DMD: variants seen among roughly 807,000 people sequenced by gnomAD.
DMD encodes the protein dystrophin.
In DMD, 63 loss-of-function variants were observed where a neutral mutation model predicts 330.1. That is an observed-to-expected ratio of 0.19 (90% CI 0.16 to 0.24). The LOEUF (loss-of-function observed/expected upper bound fraction) is 0.24. Ranked by LOEUF, DMD falls within the 10% of genes least tolerant of loss-of-function variation. The pLI, the probability that DMD is intolerant of heterozygous loss-of-function variation, is 1.00. For missense variants in DMD, 3,344 were observed against 2,684.1 expected (o/e 1.25, Z -5.43); for synonymous variants, 1,223 against 959.8 (o/e 1.27, Z -5.07).
At chrX:32,174,610 G>A (rs67857364) in intron 44 of DMD, among the ~76,000 whole-genome samples, 23,509 of 111,546 alleles carry the variant, frequency 0.21, 2,080 homozygotes, top group Admixed American at 0.4. Flanking sequence ...GGCCCTTTAC[G>A]TTTACATTAC....
chrX:32,501,947 G>T, intron 18 of DMD, 105 bp from the exon 19 acceptor site: 1 of 604,364 alleles, frequency 1.7e-6, no homozygotes, highest in Non-Finnish European at 2.7e-6. Context: ...GTTTCACTCT[G>T]TCAGCTTATC....
intron 1 of DMD, among the ~76,000 whole-genome samples, chrX:33,135,964 C>G (rs1181898251): frequency 9.0e-6 from 1 of 111,313 alleles, no homozygotes; most frequent in African/African-American, 3.3e-5. Context: ...GCAACTATTA[C>G]CTTTATTGTG....
intron 2 of DMD, among the ~76,000 whole-genome samples, chrX:32,917,429 T>C (rs1169954700): frequency 2.7e-5 from 3 of 112,012 alleles, no homozygotes; most frequent in Non-Finnish European, 5.6e-5. Context: ...ATTTACTATA[T>C]ATCTTAGATA....
chrX:32,326,078 T>G (rs1473459212), intron 41 of DMD, among the ~76,000 whole-genome samples: 1 of 112,086 alleles, frequency 8.9e-6, no homozygotes, highest in Non-Finnish European at 1.9e-5. Context: ...TGAAAAGTTT[T>G]CCTCTTTGGC....
intron 74 of DMD, among the ~76,000 whole-genome samples, chrX:31,156,256 T>C (rs1300566911): frequency 8.9e-6 from 1 of 112,067 alleles, no homozygotes; most frequent in African/African-American, 3.2e-5. Context: ...AGCCCTTTCC[T>C]ACTGAAATTT....
At chrX:33,242,087 T>C (rs1398118202) in intron 1 of DMD, among the ~76,000 whole-genome samples, 1 of 112,101 alleles carries the variant, frequency 8.9e-6, no homozygotes, top group African/African-American at 3.2e-5. Flanking sequence ...TTTGTAGCTA[T>C]TGTAAATGGG....
chrX:32,791,694 C>T (rs1462457187), intron 7 of DMD, among the ~76,000 whole-genome samples: 2 of 111,429 alleles, frequency 1.8e-5, no homozygotes, highest in African/African-American at 3.3e-5. Flanking sequence ...CAAAAAATAA[C>T]AAAAAATTTT....
intron 17 of DMD, among the ~76,000 whole-genome samples, chrX:32,532,979 C>T (rs1472205043): frequency 8.9e-6 from 1 of 112,173 alleles, no homozygotes; most frequent in Non-Finnish European, 1.9e-5. Context: ...CAGTCATGCT[C>T]ATTCATTTAT....
At chrX:32,343,078 C>T (rs2097752372) in intron 40 of DMD, 56 bp downstream of exon 40, 11 of 1,091,032 alleles carry the variant, frequency 1.0e-5, no homozygotes, top group Non-Finnish European at 1.4e-5. Flanking sequence ...ATGATCTTCA[C>T]AGGTTAATTA....
chrX:31,874,886 A>G (rs1397768746), intron 48 of DMD, among the ~76,000 whole-genome samples: 1 of 110,429 alleles, frequency 9.1e-6, no homozygotes, highest in African/African-American at 3.3e-5. Flanking sequence ...AATCCCACTT[A>G]CCCCTGATGT....
intron 44 of DMD, among the ~76,000 whole-genome samples, chrX:32,210,898 G>T (rs957214988): frequency 9.0e-6 from 1 of 111,559 alleles, no homozygotes; most frequent in Non-Finnish European, 1.9e-5. Context: ...TCATGGACTC[G>T]CTTGTCTCAA....
At chrX:33,263,490 T>C (rs928057036) in intron 1 of DMD, among the ~76,000 whole-genome samples, 1 of 108,409 alleles carries the variant, frequency 9.2e-6, no homozygotes, top group South Asian at 3.8e-4. Flanking sequence ...CTGTGTTATA[T>C]GGATTTTGAG....
intron 41 of DMD, among the ~76,000 whole-genome samples, chrX:32,335,341 C>T (rs1429981855): frequency 9.4e-6 from 1 of 106,782 alleles, no homozygotes; most frequent in Non-Finnish European, 1.9e-5. Context: ...GCTTGGATTA[C>T]AAGCAACTGC....
At chrX:33,183,786 T>G (rs139745735) in intron 1 of DMD, among the ~76,000 whole-genome samples, 2 of 48,653 alleles carry the variant, frequency 4.1e-5, no homozygotes, top group Admixed American at 5.9e-4. Flanking sequence ...CCTTATTAGT[T>G]CCTTTACTCA....
chrX:32,448,751 A>G, intron 26 of DMD, 113 bp from the exon 27 acceptor site: 6 of 701,699 alleles, frequency 8.6e-6, no homozygotes, highest in Non-Finnish European at 1.2e-5. Context: ...AATGAGAATT[A>G]CAAAAATAAA....
At position 33,169,293 on chromosome X, in the gene DMD, T is replaced by G. The variant is rs1484061959; in HGVS notation, c.31+41989A>C. Among the ~76,000 whole-genome samples, 12 of 111,859 alleles carry G rather than the reference T, an allele frequency of 1.1e-4. No homozygotes were observed. In the Admixed American group the frequency reaches 1.1e-3, roughly 11 times the overall value. ...GATCTTTATGCCCTAGGGCTACGAA[T>G]TTATTGATAAGGTTAACAATCCTTG... On this transcript the variant is annotated intron_variant, in intron 1 of 78. Transcript: ENST00000357033.
Position 31,677,992 on chromosome X carries a change from C to CT in DMD, c.7872+1382dup, listed in dbSNP as rs754197841. Among the ~76,000 whole-genome samples, 311 of 112,211 alleles carry CT rather than the reference C, an allele frequency of 2.8e-3. 3 individuals are homozygous for CT. The highest frequency in any genetic ancestry group is 4.6e-3 in the Non-Finnish European group (247 of 53,239). The stretch of plus-strand genomic sequence containing the variant: ...ATTCTGTCTTCCTTTTCTGCAGTGG[C>CT]TTTTGGCAGTGTGTTGAAAATGACA... On this transcript the variant is annotated intron_variant, in intron 53 of 78. Transcript: ENST00000357033.
chrX:32,704,327 A>G (rs971210127), intron 7 of DMD, among the ~76,000 whole-genome samples: 4 of 108,452 alleles, frequency 3.7e-5, no homozygotes, highest in African/African-American at 1.4e-4. Flanking sequence ...CCTCACCCCA[A>G]GAAAGTCAAT....
chrX:32,462,585 G>C (rs2148411983), intron 25 of DMD, among the ~76,000 whole-genome samples: 1 of 108,536 alleles, frequency 9.2e-6, no homozygotes, highest in East Asian at 2.8e-4. Context: ...TCAAATATGA[G>C]TGTACAGTCA....
Sources: gnomAD v4.1 joint callset for allele counts (sites outside exome capture counted in the v4.1 genomes callset) on GRCh38, gnomAD v4.1.1 for gene constraint, MANE v1.5 for transcripts, NCBI Gene and HGNC (gene_info 2026-07-23, HGNC 2026-07-21) for gene names.